CENPP: variants seen among roughly 807,000 people sequenced by gnomAD.
The protein encoded by CENPP is centromere protein P.
Under a neutral mutation model 35.6 loss-of-function variants are expected in CENPP, and 24 were observed. The observed-to-expected ratio is 0.67, with a 90% CI of 0.49 to 0.95. CENPP has a LOEUF of 0.95. CENPP is among the 40% of genes least tolerant of loss of function. The probability of loss-of-function intolerance (pLI) is 0.00; values close to 1 mark genes in which losing one functional copy is unlikely to be tolerated. For missense variants in CENPP, 332 were observed against 345.3 expected, an observed-to-expected ratio of 0.96 and a Z score of 0.31; for synonymous variants, 120 against 125.5, an observed-to-expected ratio of 0.96 and a Z score of 0.29.
At chr9:92,436,237 C>T (rs1844243042) in intron 5 of CENPP, among the ~76,000 whole-genome samples, 1 of 152,106 alleles carries the variant, frequency 6.6e-6, no homozygotes, top group East Asian at 1.9e-4. Context: ...ATGTCCTTTG[C>T]CTATTTTCCC....
At chr9:92,439,841 A>C (rs779588429) in intron 5 of CENPP, among the ~76,000 whole-genome samples, 32 of 152,160 alleles carry the variant, frequency 2.1e-4, no homozygotes, top group Non-Finnish European at 3.4e-4. Flanking sequence ...CAAAGTAGTG[A>C]AATGATTCTA....
intron 5 of CENPP, chr9:92,515,273 A>G: frequency 1.4e-6 from 2 of 1,392,682 alleles, no homozygotes; most frequent in Non-Finnish European, 1.9e-6. Context: ...AACCATAATG[A>G]AAATGAGGTT....
chr9:92,435,020 C>G (rs1193462349), intron 5 of CENPP, among the ~76,000 whole-genome samples: 1 of 152,112 alleles, frequency 6.6e-6, no homozygotes, highest in Non-Finnish European at 1.5e-5. Context: ...CCACTGCACT[C>G]CAGCCTGGAC....
intron 5 of CENPP, among the ~76,000 whole-genome samples, chr9:92,578,978 T>G (rs1448329691): frequency 6.6e-6 from 1 of 152,146 alleles, no homozygotes; most frequent in Non-Finnish European, 1.5e-5. Flanking sequence ...GATTTTTGTA[T>G]AAGGTGTAAG....
rs369685990 is a variant in CENPP at position 92,392,625 on chromosome 9, G to T, written c.564+12766G>T. ...GCAAGACTCCATGTCGGGTTGGGGG[G>T]AGGGGGGAGAAAAAAAAAACACTTC... On this transcript the variant is annotated intron_variant, in intron 5 of 7. Transcript: ENST00000375587. Among the ~76,000 whole-genome samples, 19 of 151,114 alleles carry T rather than the reference G, an allele frequency of 1.3e-4. 1 individual carries two copies. The South Asian group carries it at 4.0e-3, about 32-fold the overall frequency.
At chr9:92,441,854 TA>T in intron 5 of CENPP, among the ~76,000 whole-genome samples, 1 of 152,320 alleles carries the variant, frequency 6.6e-6, no homozygotes, top group East Asian at 1.9e-4. Context: ...CAAACGAGTT[TA>T]AAAATTGTGG....
chr9:92,577,404 A>T (rs547846683), intron 5 of CENPP, among the ~76,000 whole-genome samples: 1 of 152,218 alleles, frequency 6.6e-6, no homozygotes, highest in East Asian at 1.9e-4. Context: ...AGTCCTCACT[A>T]CTCGGGAGGC....
chr9:92,334,484 A>T (rs1053372263), intron 2 of CENPP, among the ~76,000 whole-genome samples: 1 of 152,134 alleles, frequency 6.6e-6, no homozygotes, highest in Non-Finnish European at 1.5e-5. Context: ...GTATGTTGTT[A>T]AAAATATGTA....
At chr9:92,335,324 G>T (rs1389441181) in intron 2 of CENPP, among the ~76,000 whole-genome samples, 1 of 152,146 alleles carries the variant, frequency 6.6e-6, no homozygotes, top group African/African-American at 2.4e-5. Flanking sequence ...AAAGCCTAGA[G>T]ATTGGACAGA....
At chr9:92,466,318 G>A in intron 5 of CENPP, 1 of 1,294,074 alleles carries the variant, frequency 7.7e-7, no homozygotes, top group African/African-American at 1.5e-5. Context: ...CTGCTTGTTT[G>A]TTATAATTTC....
chr9:92,439,940 C>G (rs1428760288), intron 5 of CENPP, among the ~76,000 whole-genome samples: 1 of 152,152 alleles, frequency 6.6e-6, no homozygotes, highest in Non-Finnish European at 1.5e-5. Flanking sequence ...CAGTGGCCTC[C>G]CCTTATCCAC....
At chr9:92,520,804 G>A (rs1406587242) in intron 5 of CENPP, among the ~76,000 whole-genome samples, 1 of 152,154 alleles carries the variant, frequency 6.6e-6, no homozygotes, top group East Asian at 1.9e-4. Flanking sequence ...TTCTGATACA[G>A]GCTAATAATA....
intron 5 of CENPP, among the ~76,000 whole-genome samples, chr9:92,445,237 G>C (rs1331191450): frequency 6.6e-6 from 1 of 152,134 alleles, no homozygotes; most frequent in Non-Finnish European, 1.5e-5. Flanking sequence ...TCCTTTGTCT[G>C]TTCAGTCACC....
chr9:92,494,029 G>T, intron 5 of CENPP: 2 of 1,571,776 alleles, frequency 1.3e-6, no homozygotes, highest in South Asian at 2.3e-5. Context: ...CCATTTTTCT[G>T]ACTGCACAGC....
intron 5 of CENPP, among the ~76,000 whole-genome samples, chr9:92,482,905 C>G (rs1588169561): frequency 6.6e-6 from 1 of 151,670 alleles, no homozygotes; most frequent in African/African-American, 2.4e-5. Context: ...GCATACTTCT[C>G]CAGACTTTTT....
intron 4 of CENPP, among the ~76,000 whole-genome samples, chr9:92,370,047 A>G (rs979276267): frequency 2.6e-5 from 4 of 152,278 alleles, no homozygotes; most frequent in East Asian, 3.9e-4. Context: ...ATTTTATCAA[A>G]TGCTTTTTCT....
intron 5 of CENPP, among the ~76,000 whole-genome samples, chr9:92,461,722 TC>T (rs1270873372): frequency 5.9e-5 from 9 of 152,212 alleles, no homozygotes; most frequent in African/African-American, 1.7e-4. Flanking sequence ...AATGGTGACT[TC>T]CTGATGTCAT....
At chr9:92,386,066 G>T in intron 5 of CENPP, 1 of 682,286 alleles carries the variant, frequency 1.5e-6, no homozygotes. Context: ...CTTTTTGATA[G>T]GCAGACATTT....
intron 4 of CENPP, among the ~76,000 whole-genome samples, chr9:92,371,342 AT>A (rs778972025): frequency 1.3e-5 from 2 of 151,690 alleles, no homozygotes; most frequent in Admixed American, 6.6e-5. Flanking sequence ...GAATTTTTTT[AT>A]TTCTATCTTA....
Sources: gnomAD v4.1 joint callset for allele counts (sites outside exome capture counted in the v4.1 genomes callset) on GRCh38, gnomAD v4.1.1 for gene constraint, MANE v1.5 for transcripts, NCBI Gene and HGNC (gene_info 2026-07-23, HGNC 2026-07-21) for gene names.